PIP5K1C: variants seen among roughly 807,000 people sequenced by gnomAD.
PIP5K1C encodes the protein phosphatidylinositol 4-phosphate 5-kinase type-1 gamma.
A neutral mutation model predicts 80.1 loss-of-function variants in PIP5K1C; 45 were observed. The observed-to-expected ratio is 0.56, with a 90% CI of 0.44 to 0.72. The LOEUF (loss-of-function observed/expected upper bound fraction) is 0.72, where lower values mean the gene tolerates loss of function less well. PIP5K1C is among the 30% of genes least tolerant of loss of function. The pLI is 0.00. For synonymous variants in PIP5K1C, 498 were observed against 420.1 expected, an observed-to-expected ratio of 1.19 and a Z score of -2.27; for missense variants, 753 against 954.6, an observed-to-expected ratio of 0.79 and a Z score of 2.78.
At chr19:3,634,928 G>T (rs1333956380) in intron 16 of PIP5K1C, among the ~76,000 whole-genome samples, 1 of 152,252 alleles carries the variant, frequency 6.6e-6, no homozygotes, top group Non-Finnish European at 1.5e-5. Flanking sequence ...CCCAGCGCAG[G>T]CCTTGCCTGT....
At chr19:3,676,543 G>GC (rs1002973625) in intron 1 of PIP5K1C, among the ~76,000 whole-genome samples, 1 of 152,156 alleles carries the variant, frequency 6.6e-6, no homozygotes, top group Non-Finnish European at 1.5e-5. Context: ...CTCTGCCTTC[G>GC]CCCCCCACGG....
intron 1 of PIP5K1C, among the ~76,000 whole-genome samples, chr19:3,682,328 C>T (rs1033128034): frequency 1.3e-5 from 2 of 148,384 alleles, no homozygotes; most frequent in Middle Eastern, 3.7e-3. Flanking sequence ...GAGCTGAGAT[C>T]GCACCACTGC....
chr19:3,653,690 G>A, intron 6 of PIP5K1C, 101 bp from the exon 7 acceptor site: 1 of 1,130,298 alleles, frequency 8.8e-7, no homozygotes, highest in Non-Finnish European at 1.2e-6. Flanking sequence ...GGATGCCCCT[G>A]GCCAGCCCCC....
intron 1 of PIP5K1C, among the ~76,000 whole-genome samples, chr19:3,686,930 C>T (rs572293448): frequency 6.6e-6 from 1 of 152,108 alleles, no homozygotes; most frequent in African/African-American, 2.4e-5. Context: ...CAGTGGCTCA[C>T]ACCGGTAATC....
Position 3,630,716 on chromosome 19 carries a change from G to A in PIP5K1C, c.*2451C>T, listed in dbSNP as rs367949600. ...CCGCCTTGTCAGTCTCAGAGCAAAC[G>A]CCTTTTAGTCTTTACAGTACAGGAA... On this transcript the variant is annotated 3_prime_UTR_variant, in exon 18 of 18. Coordinates refer to ENST00000335312, the MANE Select transcript of PIP5K1C (RefSeq NM_012398.3). The A allele has an allele frequency of 9.2e-5, 14 of 152,494 alleles. No homozygotes were observed. The highest frequency in any genetic ancestry group is 3.1e-4 in the African/African-American group (13 of 41,534). 9.4% of individuals were successfully genotyped at this position (152,494 alleles called of 1,614,324 possible).
At chr19:3,659,873 G>A (rs2034772638) in intron 5 of PIP5K1C, among the ~76,000 whole-genome samples, 2 of 152,212 alleles carry the variant, frequency 1.3e-5, no homozygotes, top group African/African-American at 2.4e-5. Context: ...ACCGACCACC[G>A]CGGGTGAGGG....
At chr19:3,653,266 C>T (rs1599969740) in intron 7 of PIP5K1C, 24 bp downstream of exon 7, 1 of 1,599,112 alleles carries the variant, frequency 6.3e-7, no homozygotes. Flanking sequence ...CACCCTCCCT[C>T]CCCGGCCGGG....
intron 10 of PIP5K1C, 77 bp from the exon 11 acceptor site, chr19:3,646,135 C>G (rs905331429): frequency 7.9e-6 from 7 of 890,750 alleles, no homozygotes; most frequent in Non-Finnish European, 1.3e-5. Context: ...CAGACAGACG[C>G]TGTATGTGTG....
intron 8 of PIP5K1C, among the ~76,000 whole-genome samples, chr19:3,651,600 C>T (rs1040495048): frequency 3.9e-5 from 6 of 152,242 alleles, no homozygotes; most frequent in African/African-American, 1.4e-4. Context: ...GGGAAACGCC[C>T]CCACCATTGC....
At chr19:3,681,869 C>T (rs962615877) in intron 1 of PIP5K1C, among the ~76,000 whole-genome samples, 1 of 152,080 alleles carries the variant, frequency 6.6e-6, no homozygotes, top group Non-Finnish European at 1.5e-5. Flanking sequence ...CTTAGCCAAA[C>T]GAGCCCTGGG....
chr19:3,689,303 T>G (rs2035872862), intron 1 of PIP5K1C, among the ~76,000 whole-genome samples: 1 of 152,200 alleles, frequency 6.6e-6, no homozygotes, highest in African/African-American at 2.4e-5. Flanking sequence ...GGGTTTCCCC[T>G]GGAGCCAGGG....
Position 3,674,531 on chromosome 19 carries a change from G to A in PIP5K1C, c.95-7178C>T, listed in dbSNP as rs538947610. Among the ~76,000 whole-genome samples the A allele has an allele frequency of 3.2e-3, 478 of 151,378 alleles. 2 individuals carry two copies. The highest frequency in any genetic ancestry group is 5.6e-3 in the Non-Finnish European group (379 of 67,754). On this transcript the variant is annotated intron_variant, in intron 1 of 17. Transcript: ENST00000335312. Reference sequence around the variant, plus strand: ...CAGCCTCCGCCTCCCGGGTTCAAGCGATTCTCCTGCCTCAGCCTCCCCCGA... The same window carrying A: ...CAGCCTCCGCCTCCCGGGTTCAAGCAATTCTCCTGCCTCAGCCTCCCCCGA...
At chr19:3,636,975 C>T (rs1362791687) in intron 16 of PIP5K1C, 99 of 1,022,578 alleles carry the variant, frequency 9.7e-5, no homozygotes, top group Non-Finnish European at 1.1e-4. Flanking sequence ...TGGATTTTGA[C>T]TAAACCGTGT....
intron 5 of PIP5K1C, among the ~76,000 whole-genome samples, chr19:3,656,992 C>A (rs1288485609): frequency 2.0e-5 from 3 of 152,218 alleles, no homozygotes; most frequent in African/African-American, 4.8e-5. Context: ...GGCATACCTG[C>A]GTATTTGCCC....
intron 1 of PIP5K1C, among the ~76,000 whole-genome samples, chr19:3,698,770 T>C (rs2036202636): frequency 6.6e-6 from 1 of 152,076 alleles, no homozygotes; most frequent in Non-Finnish European, 1.5e-5. Context: ...AGGCACAACC[T>C]AAACTCACCA....
At chr19:3,699,716 G>C (rs368792714) in intron 1 of PIP5K1C, among the ~76,000 whole-genome samples, 1 of 152,184 alleles carries the variant, frequency 6.6e-6, no homozygotes, top group Non-Finnish European at 1.5e-5. Context: ...CGTGCCCCCC[G>C]CCCAGCCCGC....
intron 1 of PIP5K1C, among the ~76,000 whole-genome samples, chr19:3,672,968 T>C (rs912725539): frequency 4.3e-4 from 3 of 6,932 alleles, no homozygotes; most frequent in Non-Finnish European, 9.0e-4. Flanking sequence ...GGCTGGGGAC[T>C]GGGGGGCCGG....
chr19:3,644,906 T>A (rs2034148748), intron 11 of PIP5K1C, among the ~76,000 whole-genome samples: 1 of 152,212 alleles, frequency 6.6e-6, no homozygotes, highest in Non-Finnish European at 1.5e-5. Flanking sequence ...GGTGCTCAGT[T>A]TGCCTTGTGC....
chr19:3,698,943 AC>A (rs1324924663), intron 1 of PIP5K1C, among the ~76,000 whole-genome samples: 1 of 20,092 alleles, frequency 5.0e-5, no homozygotes, highest in African/African-American at 1.9e-4. Context: ...CCCCACCCCC[AC>A]CCCCCCACTC....
Sources: allele counts gnomAD v4.1 joint callset (sites outside exome capture counted in the v4.1 genomes callset), GRCh38; gene constraint gnomAD v4.1.1; transcripts MANE v1.5; gene names NCBI Gene and HGNC (gene_info 2026-07-23, HGNC 2026-07-21).